PFKM: variants seen among roughly 807,000 people sequenced by gnomAD.
PFKM encodes phosphofructokinase, muscle.
In PFKM, 58 loss-of-function variants were observed where a neutral mutation model predicts 95.5. That is an observed-to-expected ratio of 0.61 (90% confidence interval 0.49 to 0.76). The LOEUF (loss-of-function observed/expected upper bound fraction) is 0.76, where lower values mean the gene tolerates loss of function less well. PFKM is among the 30% of genes least tolerant of loss of function. PFKM has a pLI of 0.00. For synonymous variants in PFKM, 336 were observed against 357.2 expected (o/e 0.94, Z 0.67); for missense variants, 678 against 1,005.4 (o/e 0.67, Z 4.40).
At chr12:48,121,808 G>T (rs1055017951) in intron 1 of PFKM, among the ~76,000 whole-genome samples, 1 of 152,158 alleles carries the variant, frequency 6.6e-6, no homozygotes, top group Admixed American at 6.5e-5. Context: ...AATAAGAAGG[G>T]AGAATAATAG....
intron 3 of PFKM, among the ~76,000 whole-genome samples, chr12:48,113,057 A>C (rs567565710): frequency 6.6e-6 from 1 of 152,312 alleles, no homozygotes; most frequent in African/African-American, 2.4e-5. Flanking sequence ...GTGTGGCTGT[A>C]GCCCAGGAAC....
chr12:48,108,002 G>T, intron 2 of PFKM: 1 of 1,530,120 alleles, frequency 6.5e-7, no homozygotes, highest in South Asian at 1.1e-5. Context: ...TAGGGAAAAT[G>T]AAAGGGAGTA....
intron 2 of PFKM, among the ~76,000 whole-genome samples, chr12:48,126,947 C>G (rs1385082619): frequency 2.0e-5 from 3 of 151,344 alleles, no homozygotes; most frequent in African/African-American, 7.2e-5. Context: ...AGAAGCCCCT[C>G]TCTTCACAGA....
chr12:48,136,119 C>G (rs1309567691), intron 10 of PFKM, among the ~76,000 whole-genome samples: 1 of 152,144 alleles, frequency 6.6e-6, no homozygotes, highest in South Asian at 2.1e-4. Flanking sequence ...GATCTCCTGA[C>G]CTTGTGATCC....
chr12:48,131,802 T>A (rs1014983407), intron 4 of PFKM: 7 of 360,698 alleles, frequency 1.9e-5, no homozygotes, highest in African/African-American at 1.5e-4. Context: ...ACCAGACCAC[T>A]TAAAGGACGA....
rs767363304 is a variant in PFKM at position 48,142,965 on chromosome 12, C to A, written c.1818+19C>A. ...CCTGCAGGTAGCTGGCCACCCAGAG[C>A]CTGCTAGATAGCTCTCCCCTGTCTC... On this transcript the variant is annotated intron_variant, in intron 18 of 22. Coordinates refer to ENST00000359794, the MANE Select transcript of PFKM (RefSeq NM_000289.6). 6.2e-7 allele frequency: 1 copy of A among 1,610,338 alleles called. No individual in the cohort carries two copies. Among genetic ancestry groups the A allele is most frequent in the South Asian group, 1.1e-5 (1 of 90,880 alleles).
chr12:48,122,917 C>A, intron 2 of PFKM, 58 bp downstream of exon 2: 1 of 1,489,146 alleles, frequency 6.7e-7, no homozygotes, highest in South Asian at 1.1e-5. Context: ...TACTGACTCC[C>A]TTAGCCTATA....
intron 12 of PFKM, chr12:48,139,624 T>C: frequency 1.6e-6 from 1 of 629,452 alleles, no homozygotes; most frequent in Non-Finnish European, 2.8e-6. Context: ...AGGGACAGTC[T>C]CTTGTGCTGA....
intron 2 of PFKM, 124 bp downstream of exon 2, chr12:48,122,983 CTGTGAGG>C: frequency 1.2e-6 from 1 of 847,872 alleles, no homozygotes; most frequent in Middle Eastern, 2.4e-4. Context: ...CTAAAAATTT[CTGTGAGG>C]CCTAAGTCCT....
intron 3 of PFKM, among the ~76,000 whole-genome samples, chr12:48,109,537 C>G (rs995263174): frequency 6.6e-6 from 1 of 152,022 alleles, no homozygotes; most frequent in Non-Finnish European, 1.5e-5. Flanking sequence ...CTCATCTTTC[C>G]TGCTTTTTTC....
Position 48,134,791 on chromosome 12 carries a change from G to A in PFKM, c.709G>A (p.Asp237Asn). The A allele has an allele frequency of 6.2e-7, 1 of 1,614,166 alleles. No individual in the cohort carries two copies. The highest frequency in any genetic ancestry group is 2.2e-5 in the East Asian group (1 of 44,876). ...WVFIPECPPD[D>N]DWEEHLCRRL... ...TTTTATTCCTGAATGTCCACCAGATGACGACTGGGAGGAACACCTTTGTCG... is the reference window on the plus strand; with the variant it reads ...TTTTATTCCTGAATGTCCACCAGATAACGACTGGGAGGAACACCTTTGTCG... Residue 237 changes from aspartate to asparagine, a missense_variant, in exon 8 of 23, where the codon GAC (aspartate) becomes AAC (asparagine). Transcript: ENST00000359794.
At chr12:48,136,677 AT>A (rs1433371032) in intron 10 of PFKM, among the ~76,000 whole-genome samples, 4 of 108,616 alleles carry the variant, frequency 3.7e-5, no homozygotes, top group Non-Finnish European at 7.8e-5. Context: ...CCTTACCAGC[AT>A]TTGGGGGTCG....
chr12:48,141,863 C>G (rs772804527), intron 16 of PFKM, 36 bp downstream of exon 16: 2 of 1,612,822 alleles, frequency 1.2e-6, no homozygotes, highest in African/African-American at 2.7e-5. Flanking sequence ...TCTCTCCCTC[C>G]TACCTCCTCT....
chr12:48,131,872 C>T (rs1949533862), intron 4 of PFKM: 2 of 372,270 alleles, frequency 5.4e-6, no homozygotes, highest in African/African-American at 4.2e-5. Context: ...TGAGGATTTC[C>T]ACAGTCCTTT....
Position 48,142,066 on chromosome 12 carries a change from A to C in PFKM, c.1653A>C (p.Thr551=). 6.2e-7 allele frequency: 1 copy of C among 1,614,098 alleles called. No homozygotes were observed. Among genetic ancestry groups the C allele is most frequent in the Non-Finnish European group, 8.5e-7 (1 of 1,179,912 alleles). ...GADTALNTIC[T]TCDRIKQSAA... is the part of the protein sequence containing the mutation. ...ACACAGCACTCAATACTATCTGCACAGTGAGAGCCTATCACCACTTCCCAT... is the reference window on the plus strand; with the variant it reads ...ACACAGCACTCAATACTATCTGCACCGTGAGAGCCTATCACCACTTCCCAT... Residue 551 remains threonine, a splice_region_variant and synonymous_variant, in exon 17 of 23, where the codon ACA becomes ACC. Transcript: ENST00000359794.
In PFKM at chr12:48,141,815, T is replaced by C; in HGVS notation, c.1488T>C (p.Ile496=). 6.2e-7 allele frequency: 1 copy of C among 1,613,932 alleles called. No homozygotes were observed. The change falls in exon 16 of 23, where the codon ATT becomes ATC. Residue 496 remains isoleucine (I), a synonymous_variant. Transcript: ENST00000359794. ...TTAACATTCAGGGCCTTGTCATCAT[T>C]GGGGGCTTTGAGGTGAGTGCCTGCC... ...TKFNIQGLVI[I]GGFEAYTGGL... is the part of the protein sequence containing the mutation.
At chr12:48,114,545 G>A (rs540409757), upstream of PFKM, among the ~76,000 whole-genome samples, 7 of 152,196 alleles carry the variant, frequency 4.6e-5, no homozygotes, top group South Asian at 2.1e-4. Context: ...GGCGGGGAGC[G>A]ACCTGAGGAG....
upstream of PFKM, among the ~76,000 whole-genome samples, chr12:48,118,167 T>C (rs539566192): frequency 1.3e-3 from 193 of 152,308 alleles, no homozygotes; most frequent in South Asian, 4.6e-3. Flanking sequence ...TGGCTTCCCC[T>C]TTCCATCAAC....
intron 3 of PFKM, among the ~76,000 whole-genome samples, chr12:48,111,168 T>A (rs573494975): frequency 5.6e-4 from 86 of 152,298 alleles, no homozygotes; most frequent in African/African-American, 2.0e-3. Context: ...CAAGACTACT[T>A]CTAGTGACCT....
Sources: allele counts gnomAD v4.1 joint callset (sites outside exome capture counted in the v4.1 genomes callset), GRCh38; gene constraint gnomAD v4.1.1; transcripts MANE v1.5; gene names NCBI Gene and HGNC (gene_info 2026-07-23, HGNC 2026-07-21).